DGKI: variants seen among roughly 807,000 people sequenced by gnomAD.
The protein encoded by DGKI is DAG kinase iota.
DGKI carries 55 observed loss-of-function variants against 147.5 expected under a neutral mutation model. The observed-to-expected ratio is 0.37, with a 90% CI of 0.30 to 0.47. The LOEUF is 0.47. Ranked by LOEUF, DGKI falls within the 20% of genes least tolerant of loss-of-function variation. The probability of loss-of-function intolerance (pLI) is 1.00; values close to 1 mark genes in which losing one functional copy is unlikely to be tolerated. For missense variants in DGKI, 1,007 were observed against 1,323.8 expected, an observed-to-expected ratio of 0.76 and a Z score of 3.71; for synonymous variants, 469 against 477.1, an observed-to-expected ratio of 0.98 and a Z score of 0.22.
chr7:137,721,771 C>T (rs116372890), intron 1 of DGKI, among the ~76,000 whole-genome samples: 1 of 152,340 alleles, frequency 6.6e-6, no homozygotes, highest in African/African-American at 2.4e-5. Context: ...AGGTTCAGCT[C>T]TTACCCTCTT....
chr7:137,434,264 G>T (rs1813196564), intron 28 of DGKI, among the ~76,000 whole-genome samples: 1 of 151,986 alleles, frequency 6.6e-6, no homozygotes, highest in Admixed American at 6.6e-5. Context: ...CCAATGCAAT[G>T]CTGTAGGTAA....
chr7:137,554,141 C>T (rs904704660), intron 19 of DGKI, among the ~76,000 whole-genome samples: 1 of 152,330 alleles, frequency 6.6e-6, no homozygotes, highest in East Asian at 1.9e-4. Flanking sequence ...TGCACAGAGA[C>T]AAGAGGAAGT....
Position 137,599,919 on chromosome 7 carries a change from A to G in DGKI, c.1168-14T>C, listed in dbSNP as rs1819928022. 1 of 1,606,492 alleles carries G rather than the reference A, an allele frequency of 6.2e-7. No homozygotes were observed. Among genetic ancestry groups the G allele is most frequent in the Non-Finnish European group, 8.5e-7 (1 of 1,173,416 alleles). On this transcript the variant is annotated splice_polypyrimidine_tract_variant and intron_variant, in intron 10 of 32. Transcript: ENST00000614521. ...GACTTTGGTTCCCTGTAAAAAATAA[A>G]TACACAAAAAGGCAATAATAGGAAG...
intron 1 of DGKI, among the ~76,000 whole-genome samples, chr7:137,820,542 G>A (rs112973784): frequency 4.9e-4 from 75 of 152,250 alleles, no homozygotes; most frequent in Non-Finnish European, 5.4e-4. Flanking sequence ...TAAAACAGGC[G>A]GGCAAATGCT....
At chr7:137,752,696 A>G (rs1239077444) in intron 1 of DGKI, among the ~76,000 whole-genome samples, 1 of 152,166 alleles carries the variant, frequency 6.6e-6, no homozygotes, top group Non-Finnish European at 1.5e-5. Flanking sequence ...CTGCTTGCTC[A>G]ATCGATCACG....
intron 18 of DGKI, among the ~76,000 whole-genome samples, chr7:137,571,556 G>A (rs890886110): frequency 2.6e-5 from 4 of 152,174 alleles, no homozygotes; most frequent in South Asian, 4.1e-4. Context: ...TATGATTCAT[G>A]TATGTCTGTT....
chr7:137,467,398 A>C (rs1226905555), intron 24 of DGKI, among the ~76,000 whole-genome samples: 1 of 152,220 alleles, frequency 6.6e-6, no homozygotes. Flanking sequence ...AAATGATCTT[A>C]AAGTAAGTTA....
intron 6 of DGKI, among the ~76,000 whole-genome samples, chr7:137,642,261 A>G (rs571000035): frequency 2.7e-5 from 4 of 147,370 alleles, no homozygotes; most frequent in Non-Finnish European, 5.9e-5. Context: ...ACATGAAGAT[A>G]TGTGGAGCTG....
At chr7:137,562,119 A>G (rs2128971548) in intron 19 of DGKI, among the ~76,000 whole-genome samples, 1 of 152,362 alleles carries the variant, frequency 6.6e-6, no homozygotes, top group Admixed American at 6.5e-5. Flanking sequence ...CAGGTGGGTA[A>G]CAAAGGACTT....
intron 21 of DGKI, among the ~76,000 whole-genome samples, chr7:137,499,912 G>T (rs1322205529): frequency 6.6e-6 from 1 of 152,134 alleles, no homozygotes; most frequent in Non-Finnish European, 1.5e-5. Context: ...TGAGGATATA[G>T]CAAGAAGGCA....
chr7:137,646,243 C>T (rs1821819728), intron 5 of DGKI, among the ~76,000 whole-genome samples: 7 of 152,100 alleles, frequency 4.6e-5, no homozygotes, highest in Admixed American at 4.6e-4. Context: ...AAAGAGATCT[C>T]CTAATACAAG....
intron 1 of DGKI, among the ~76,000 whole-genome samples, chr7:137,705,133 A>T (rs1359014330): frequency 6.6e-6 from 1 of 152,174 alleles, no homozygotes; most frequent in Non-Finnish European, 1.5e-5. Context: ...GAACAACAAG[A>T]ACTCTCATAT....
intron 1 of DGKI, among the ~76,000 whole-genome samples, chr7:137,711,274 T>C (rs1302149808): frequency 6.6e-6 from 1 of 152,196 alleles, no homozygotes; most frequent in Non-Finnish European, 1.5e-5. Flanking sequence ...ATCTCTGGTA[T>C]ATACACACAA....
chr7:137,478,062 G>C (rs2128932245), intron 23 of DGKI, among the ~76,000 whole-genome samples: 1 of 152,224 alleles, frequency 6.6e-6, no homozygotes, highest in East Asian at 1.9e-4. Context: ...CACCATAAAG[G>C]TCTACATTGG....
chr7:137,834,797 T>C (rs1798316925), intron 1 of DGKI, among the ~76,000 whole-genome samples: 1 of 152,248 alleles, frequency 6.6e-6, no homozygotes, highest in African/African-American at 2.4e-5. Context: ...ATGCCTTTTA[T>C]GCCTTAAAAG....
rs190455826 is a variant in DGKI, at chr7:137,480,936, T to A, written c.2373+4438A>T. 5.2e-3 allele frequency among the ~76,000 whole-genome samples: 799 copies of A among 152,214 alleles called. 7 individuals are homozygous for A. Among genetic ancestry groups the A allele is most frequent in the South Asian group, 0.013 (61 of 4,828 alleles). On this transcript the variant is annotated intron_variant, in intron 23 of 32. Transcript: ENST00000614521. Reference sequence around the variant, plus strand: ...CTACCCTACTACATCTATAAATGCCTCCTTCTGTTCTCCATCCCTACCTTT... The same window carrying A: ...CTACCCTACTACATCTATAAATGCCACCTTCTGTTCTCCATCCCTACCTTT...
intron 6 of DGKI, among the ~76,000 whole-genome samples, chr7:137,638,615 C>CATATATGTATATATGTGTATATAT (rs1383387447): frequency 1.2e-4 from 1 of 8,232 alleles, no homozygotes; most frequent in African/African-American, 2.9e-4. Flanking sequence ...TATATATACA[C>CATATATGTATATATGTGTATATAT]ACACACATAT....
intron 20 of DGKI, among the ~76,000 whole-genome samples, chr7:137,538,828 G>A (rs774720714): frequency 6.6e-5 from 10 of 152,156 alleles, no homozygotes; most frequent in Non-Finnish European, 1.2e-4. Flanking sequence ...GATAGCAGTA[G>A]ATTGGTGAAG....
chr7:137,592,552 G>A (rs1007927628), intron 12 of DGKI, among the ~76,000 whole-genome samples: 8 of 152,182 alleles, frequency 5.3e-5, no homozygotes, highest in East Asian at 1.9e-4. Flanking sequence ...CTAACATAAG[G>A]GGTGGCTGAA....
Sources: allele counts gnomAD v4.1 joint callset (sites outside exome capture counted in the v4.1 genomes callset), GRCh38; gene constraint gnomAD v4.1.1; transcripts MANE v1.5; gene names NCBI Gene and HGNC (gene_info 2026-07-23, HGNC 2026-07-21).